UBN2: variants seen among roughly 807,000 people sequenced by gnomAD.
The protein encoded by UBN2 is ubinuclein-2.
A neutral mutation model predicts 120.2 loss-of-function variants in UBN2; 35 were observed. The observed-to-expected ratio is 0.29, with a 90% CI of 0.22 to 0.39. The LOEUF (loss-of-function observed/expected upper bound fraction) is 0.39, where lower values mean the gene tolerates loss of function less well. Among genes scored for constraint, UBN2 ranks in the 10% least tolerant of loss-of-function variants. The pLI is 1.00. For missense variants in UBN2, 1,693 were observed against 1,663.2 expected (o/e 1.02, Z -0.31); for synonymous variants, 661 against 648.7 (o/e 1.02, Z -0.29).
Position 139,273,365 on chromosome 7 carries a change from G to A in UBN2, c.1784G>A (p.Arg595His), listed in dbSNP as rs1797345364. 5 of 1,609,078 alleles carry A rather than the reference G, an allele frequency of 3.1e-6. No individual in the cohort carries two copies. The highest frequency in any genetic ancestry group is 2.5e-6 in the Non-Finnish European group (3 of 1,177,264). Reference protein sequence around the residue: ...EEDDDEKPGKRVIGPRKKFHW... With the variant: ...EEDDDEKPGKHVIGPRKKFHW... ...GATGATGATGAGAAACCAGGAAAACGTGTCATAGGACCAAGAAAGAAATTC... is the reference window on the plus strand; with the variant it reads ...GATGATGATGAGAAACCAGGAAAACATGTCATAGGACCAAGAAAGAAATTC... The change falls in exon 10 of 18, where the codon CGT becomes CAT. Residue 595 changes from arginine (R) to histidine (H), a missense_variant. Physicochemically the swap from Arg to His is conservative, Grantham distance 29 (BLOSUM62 0). Coordinates refer to ENST00000473989, the MANE Select transcript of UBN2 (RefSeq NM_173569.4).
chr7:139,256,849 A>C (rs1407669788), intron 3 of UBN2, among the ~76,000 whole-genome samples: 2 of 152,042 alleles, frequency 1.3e-5, no homozygotes, highest in Admixed American at 6.6e-5. Flanking sequence ...CAATCATTTT[A>C]TTTCTTTTTA....
chr7:139,297,811 C>G lies in UBN2; in HGVS notation c.4019C>G (p.Thr1340Ser). 2 of 1,614,072 alleles carry G rather than the reference C, an allele frequency of 1.2e-6. No homozygotes were observed. Among genetic ancestry groups the G allele is most frequent in the Non-Finnish European group, 1.7e-6 (2 of 1,179,990 alleles). ...GATGGAGGCCAAAGTAAAGGGGACA[C>G]TAAATTACCACGGAAATCTCAGTGA... is the stretch of plus-strand genomic sequence containing the variant. ...FHDGGQSKGDTKLPRKSQ is the reference protein window; with the variant it reads ...FHDGGQSKGDSKLPRKSQ Residue 1340 changes from threonine (T) to serine (S), a missense_variant, in exon 18 of 18, where the codon ACT becomes AGT. Physicochemically the swap from Thr to Ser is moderately conservative, Grantham distance 58. Around this residue, in one of 5 missense-constraint regions of UBN2, gnomAD observed 837 missense variants for 817.6 expected, o/e 1.02. Coordinates refer to ENST00000473989, the MANE Select transcript of UBN2 (RefSeq NM_173569.4).
At chr7:139,254,711 A>C (rs1273322789) in intron 3 of UBN2, among the ~76,000 whole-genome samples, 1 of 152,254 alleles carries the variant, frequency 6.6e-6, no homozygotes, top group Middle Eastern at 3.2e-3. Context: ...TAACCCAAGA[A>C]GTAACTTAGC....
chr7:139,326,791 G>A, the UBN2 span, among the ~76,000 whole-genome samples: 2 of 152,184 alleles, frequency 1.3e-5, no homozygotes, highest in Non-Finnish European at 2.9e-5. Flanking sequence ...GCCACTGCCA[G>A]TGTGCTGTAG....
chr7:139,326,923 G>T, the UBN2 span, among the ~76,000 whole-genome samples: 1 of 152,226 alleles, frequency 6.6e-6, no homozygotes, highest in African/African-American at 2.4e-5. Context: ...TTTGGGTGAG[G>T]TTGTTGGCTG....
the UBN2 span, among the ~76,000 whole-genome samples, chr7:139,326,160 G>GCAGGAGAATCGCTTGAACC: frequency 2.0e-5 from 3 of 152,196 alleles, no homozygotes; most frequent in Non-Finnish European, 4.4e-5. Context: ...GGAGGCTGAG[G>GCAGGAGAATCGCTTGAACC]CAGGAGAATC....
chr7:139,273,624 A>C (rs1797355204), intron 10 of UBN2, among the ~76,000 whole-genome samples: 1 of 152,240 alleles, frequency 6.6e-6, no homozygotes, highest in Non-Finnish European at 1.5e-5. Flanking sequence ...TTACAAACTA[A>C]TCTAATAATG....
chr7:139,273,220 A>G, intron 9 of UBN2, 77 bp from the exon 10 acceptor site: 3 of 855,062 alleles, frequency 3.5e-6, no homozygotes, highest in Non-Finnish European at 5.3e-6. Context: ...TAAGCAATTC[A>G]GCAAGTATTT....
At chr7:139,245,097 CTTTTTTTTTTTT>C (rs537219130) in intron 2 of UBN2, among the ~76,000 whole-genome samples, 17 of 100,322 alleles carry the variant, frequency 1.7e-4, no homozygotes, top group South Asian at 6.4e-4. Flanking sequence ...CCATGCCCAG[CTTTTTTTTTTTT>C]TTTTTTTTTT....
At chr7:139,276,049 C>G (rs534101586) in intron 11 of UBN2, 48 bp from the exon 12 acceptor site, 1 of 1,423,010 alleles carries the variant, frequency 7.0e-7, no homozygotes, top group South Asian at 1.2e-5. Context: ...AATTATGTTA[C>G]TATCTGCTAT....
Position 139,298,088 on chromosome 7 carries a change from C to T in UBN2, c.*252C>T, listed in dbSNP as rs1798161199. On this transcript the variant is annotated 3_prime_UTR_variant, in exon 18 of 18. Transcript: ENST00000473989. ...AAGAATGACAGAGTTACCGTATTAA[C>T]AGACTTGAAAGAGACTCAGTTGTCA... 2 of 417,994 alleles carry T rather than the reference C, an allele frequency of 4.8e-6. No homozygotes were observed. The highest frequency in any genetic ancestry group is 4.0e-5 in the African/African-American group (2 of 49,924). 25.9% of individuals were successfully genotyped at this position (417,994 alleles called of 1,614,324 possible).
chr7:139,268,714 C>A (rs1797173024), intron 7 of UBN2, among the ~76,000 whole-genome samples: 1 of 152,090 alleles, frequency 6.6e-6, no homozygotes, highest in Non-Finnish European at 1.5e-5. Context: ...ACCTGCCGGG[C>A]AATTGCCAGT....
At chr7:139,254,080 T>C (rs1273266844) in intron 3 of UBN2, among the ~76,000 whole-genome samples, 1 of 152,004 alleles carries the variant, frequency 6.6e-6, no homozygotes, top group Non-Finnish European at 1.5e-5. Context: ...GATCACGAGG[T>C]CAGGAGATCG....
intron 15 of UBN2, among the ~76,000 whole-genome samples, chr7:139,288,569 T>C (rs1219640412): frequency 6.6e-6 from 1 of 152,162 alleles, no homozygotes; most frequent in Non-Finnish European, 1.5e-5. Flanking sequence ...TGGATTTTAT[T>C]CTCTGTGCAG....
intron 2 of UBN2, among the ~76,000 whole-genome samples, chr7:139,240,098 C>T (rs1796275460): frequency 6.6e-6 from 1 of 151,928 alleles, no homozygotes; most frequent in South Asian, 2.1e-4. Flanking sequence ...TATATTTAAG[C>T]CTTGTTATTT....
chr7:139,231,971 T>A lies in UBN2; in HGVS notation c.468+19T>A, dbSNP rs751486833. 6.4e-7 allele frequency: 1 copy of A among 1,569,582 alleles called. No homozygotes were observed. The highest frequency in any genetic ancestry group is 1.1e-5 in the South Asian group (1 of 90,242). ...ACAACGGGTACAGAAGATTCTTCCC[T>A]CCTGCCCCAGACCCCGGGAGCCTCA... On this transcript the variant is annotated intron_variant, in intron 1 of 17. Coordinates refer to ENST00000473989, the MANE Select transcript of UBN2 (RefSeq NM_173569.4).
chr7:139,251,828 G>A, intron 2 of UBN2, 128 bp from the exon 3 acceptor site: 1 of 714,842 alleles, frequency 1.4e-6, no homozygotes, highest in Non-Finnish European at 2.4e-6. Flanking sequence ...TCAAGGTGTG[G>A]GAGGACTTAA....
intron 13 of UBN2, among the ~76,000 whole-genome samples, chr7:139,280,690 G>A (rs968027782): frequency 4.6e-5 from 7 of 152,164 alleles, no homozygotes; most frequent in African/African-American, 1.7e-4. Flanking sequence ...CTATCACCCA[G>A]GCTGGAGTGC....
At chr7:139,291,230 G>A (rs912326079) in intron 15 of UBN2, among the ~76,000 whole-genome samples, 13 of 151,504 alleles carry the variant, frequency 8.6e-5, no homozygotes, top group Non-Finnish European at 1.5e-4. Flanking sequence ...GCGTGGTGGT[G>A]CACACCTGTA....
Sources: allele counts gnomAD v4.1 joint callset (sites outside exome capture counted in the v4.1 genomes callset), GRCh38; gene constraint gnomAD v4.1.1; regional missense constraint gnomAD v4.1.1; transcripts MANE v1.5; gene names NCBI Gene and HGNC (gene_info 2026-07-23, HGNC 2026-07-21).